Variants in EML5 observed in about 807,000 individuals in gnomAD.
EML5 encodes echinoderm microtubule-associated protein-like 5.
EML5 carries 120 observed loss-of-function variants against 250.0 expected under a neutral mutation model. The ratio of observed to expected loss-of-function variants is 0.48; its 90% CI spans 0.41 to 0.56. The LOEUF is 0.56. Among genes scored for constraint, EML5 ranks in the 20% least tolerant of loss-of-function variants. EML5 has a pLI of 0.00. For missense variants in EML5, 2,006 were observed against 2,437.6 expected, an observed-to-expected ratio of 0.82 and a Z score of 3.73; for synonymous variants, 771 against 806.5, an observed-to-expected ratio of 0.96 and a Z score of 0.75.
At chr14:88,788,190 AATCT>A (rs1371118270) in intron 1 of EML5, among the ~76,000 whole-genome samples, 1 of 152,218 alleles carries the variant, frequency 6.6e-6, no homozygotes, top group Non-Finnish European at 1.5e-5. Flanking sequence ...ACACAAAAAA[AATCT>A]ATCTACCGTG....
chr14:88,621,816 T>C (rs981886075), intron 37 of EML5: 10 of 443,348 alleles, frequency 2.3e-5, no homozygotes, highest in Non-Finnish European at 4.5e-5. Flanking sequence ...TACATATCTA[T>C]AGGGCATAGG....
chr14:88,721,190 C>T (rs546578073), intron 8 of EML5, among the ~76,000 whole-genome samples: 9 of 152,196 alleles, frequency 5.9e-5, no homozygotes, highest in African/African-American at 2.2e-4. Context: ...GCCATCCTGC[C>T]CAAAGTAATT....
intron 25 of EML5, among the ~76,000 whole-genome samples, 177 bp downstream of exon 25, chr14:88,661,477 G>A (rs1184894679): frequency 6.6e-6 from 1 of 151,842 alleles, no homozygotes; most frequent in Admixed American, 6.6e-5. Flanking sequence ...TTAATGTATG[G>A]GATTATAAAT....
intron 7 of EML5, among the ~76,000 whole-genome samples, chr14:88,732,453 G>A (rs1402200494): frequency 6.6e-6 from 1 of 152,174 alleles, no homozygotes; most frequent in Non-Finnish European, 1.5e-5. Flanking sequence ...GTACCATGCT[G>A]TTTTGGTTAC....
chr14:88,678,077 G>A (rs1490524460), intron 21 of EML5, among the ~76,000 whole-genome samples: 4 of 152,200 alleles, frequency 2.6e-5, no homozygotes, highest in Non-Finnish European at 4.4e-5. Context: ...TAAAGAAAAT[G>A]TGGTATATAT....
intron 21 of EML5, among the ~76,000 whole-genome samples, chr14:88,675,588 G>C (rs2092576167): frequency 6.6e-6 from 1 of 152,208 alleles, no homozygotes; most frequent in South Asian, 2.1e-4. Flanking sequence ...CTGCCGTGAA[G>C]ACTTCTGACA....
chr14:88,623,650 G>C (rs1209878831), intron 36 of EML5: 2 of 152,156 alleles, frequency 1.3e-5, no homozygotes, highest in Non-Finnish European at 2.9e-5. Context: ...CTGACCTCGT[G>C]ATCCGCCCAC....
chr14:88,682,214 C>T (rs2092728224), intron 20 of EML5, among the ~76,000 whole-genome samples, 183 bp from the exon 21 acceptor site: 1 of 152,102 alleles, frequency 6.6e-6, no homozygotes, highest in Admixed American at 6.5e-5. Context: ...TCTGTAACAA[C>T]TTTAGCTCCA....
intron 21 of EML5, among the ~76,000 whole-genome samples, chr14:88,680,277 T>G (rs985129695): frequency 6.6e-6 from 1 of 152,162 alleles, no homozygotes; most frequent in Non-Finnish European, 1.5e-5. Flanking sequence ...AAACAGCATA[T>G]TGTCATTTTC....
At chr14:88,778,498 T>C (rs1412220184) in intron 1 of EML5, among the ~76,000 whole-genome samples, 2 of 152,110 alleles carry the variant, frequency 1.3e-5, no homozygotes, top group African/African-American at 4.8e-5. Flanking sequence ...AAGTGGTAAG[T>C]GGCTGGGTGT....
chr14:88,778,469 A>G lies in EML5; in HGVS notation c.197+13838T>C, dbSNP rs867483690. Among the ~76,000 whole-genome samples, 4 of 152,340 alleles carry G rather than the reference A, an allele frequency of 2.6e-5. No homozygotes were observed. In the South Asian group the frequency reaches 8.3e-4, roughly 32 times the overall value. The stretch of plus-strand genomic sequence containing the variant: ...TCTGTTATTTTCTGTTTCTGGACAT[A>G]GAACTGTGGAAGGTTAAGAAGTGGT... On this transcript the variant is annotated intron_variant, in intron 1 of 43. Transcript: ENST00000554922.
At chr14:88,634,169 C>A (rs1220618127) in intron 33 of EML5, among the ~76,000 whole-genome samples, 1 of 152,090 alleles carries the variant, frequency 6.6e-6, no homozygotes, top group Admixed American at 6.6e-5. Context: ...CTCATGAGAT[C>A]TGCTCGTTTA....
rs564267149 is a variant in EML5 at position 88,761,205 on chromosome 14, T to A, written c.198-6534A>T. Reference sequence around the variant, plus strand: ...AACTTCTAGCAGGATGTTGTTTTTTTAAAATTATTATTATTCTTTAAGTTC... The same window carrying A: ...AACTTCTAGCAGGATGTTGTTTTTTAAAAATTATTATTATTCTTTAAGTTC... On this transcript the variant is annotated intron_variant, in intron 1 of 43. Transcript: ENST00000554922. 1.2e-4 allele frequency among the ~76,000 whole-genome samples: 19 copies of A among 152,330 alleles called. No individual in the cohort carries two copies. The East Asian group carries it at 2.7e-3, about 22-fold the overall frequency.
At chr14:88,706,514 A>G in intron 10 of EML5, 88 bp from the exon 11 acceptor site, 2 of 960,228 alleles carry the variant, frequency 2.1e-6, no homozygotes, top group East Asian at 5.9e-5. Flanking sequence ...CCACTGTATC[A>G]TCCTTCTATC....
chr14:88,724,771 T>C (rs1027755004), intron 8 of EML5, among the ~76,000 whole-genome samples: 5 of 152,202 alleles, frequency 3.3e-5, no homozygotes, highest in African/African-American at 1.2e-4. Flanking sequence ...ACCAGGTGTT[T>C]CTATTTATTA....
intron 12 of EML5, 64 bp from the exon 13 acceptor site, chr14:88,705,042 T>C: frequency 1.9e-6 from 2 of 1,064,568 alleles, no homozygotes; most frequent in Non-Finnish European, 2.7e-6. Context: ...GTTCGTATAC[T>C]CCCAATATAA....
intron 15 of EML5, among the ~76,000 whole-genome samples, chr14:88,696,148 T>G (rs559237585): frequency 1.5e-4 from 22 of 145,820 alleles, no homozygotes; most frequent in Non-Finnish European, 3.0e-4. Context: ...GTTTCTTAAC[T>G]GTTAGCAACT....
chr14:88,621,889 C>T, intron 37 of EML5: 1 of 456,354 alleles, frequency 2.2e-6, no homozygotes, highest in Non-Finnish European at 4.4e-6. Context: ...CTTTCAAAAT[C>T]CTCTCTTGTA....
chr14:88,640,425 A>G (rs535305488), intron 31 of EML5, among the ~76,000 whole-genome samples: 48 of 152,316 alleles, frequency 3.2e-4, no homozygotes, highest in African/African-American at 1.0e-3. Context: ...TTACGTAAAA[A>G]TTAAATAACT....
Sources: allele counts gnomAD v4.1 joint callset (sites outside exome capture counted in the v4.1 genomes callset), GRCh38; gene constraint gnomAD v4.1.1; transcripts MANE v1.5; gene names NCBI Gene and HGNC (gene_info 2026-07-23, HGNC 2026-07-21).